Variants in PIP5K1A observed in about 807,000 individuals in gnomAD.
PIP5K1A encodes the protein phosphatidylinositol-4-phosphate 5-kinase type 1 alpha.
A neutral mutation model predicts 72.9 loss-of-function variants in PIP5K1A; 46 were observed. That is an observed-to-expected ratio of 0.63 (90% CI 0.50 to 0.81). The LOEUF (loss-of-function observed/expected upper bound fraction) is 0.81, where lower values mean the gene tolerates loss of function less well. PIP5K1A is among the 30% of genes least tolerant of loss of function. The probability of loss-of-function intolerance (pLI) is 0.00; values close to 1 mark genes in which losing one functional copy is unlikely to be tolerated. For synonymous variants in PIP5K1A, 228 were observed against 255.1 expected (o/e 0.89, Z 1.01); for missense variants, 458 against 706.1 (o/e 0.65, Z 3.98).
chr1:151,222,319 C>T (rs1688502619), intron 1 of PIP5K1A, among the ~76,000 whole-genome samples: 1 of 152,074 alleles, frequency 6.6e-6, no homozygotes, highest in African/African-American at 2.4e-5. Context: ...GGAATTAGTC[C>T]CAGTTTTGCA....
intron 1 of PIP5K1A, among the ~76,000 whole-genome samples, chr1:151,202,585 G>T (rs1685355628): frequency 6.6e-6 from 1 of 151,816 alleles, no homozygotes; most frequent in South Asian, 2.1e-4. Flanking sequence ...CGAGTTGCCT[G>T]CTCAGCCTCC....
chr1:151,239,531 C>T (rs587735325), intron 11 of PIP5K1A, among the ~76,000 whole-genome samples: 14 of 151,950 alleles, frequency 9.2e-5, no homozygotes, highest in Admixed American at 9.2e-4. Flanking sequence ...CCTTGGCCTC[C>T]CAAAGTGCTG....
At chr1:151,213,857 T>TACACATTA (rs1687207759) in intron 1 of PIP5K1A, among the ~76,000 whole-genome samples, 2 of 152,142 alleles carry the variant, frequency 1.3e-5, no homozygotes, top group Non-Finnish European at 2.9e-5. Context: ...TTAAATTATG[T>TACACATTA]AACATACACA....
In PIP5K1A at chr1:151,236,741, G is replaced by A. The variant is rs1193197347; in HGVS notation, c.1123G>A (p.Gly375Ser). ...ESIQGEARRG[G>S]TMETDDHMGG... ...CATCCAGGGAGAGGCTCGACGGGGT[G>A]GTACCATGGAGACTGATGACCAGTA... Residue 375 changes from glycine to serine, a missense_variant, in exon 9 of 16, where the codon GGT (glycine) becomes AGT (serine). Transcript: ENST00000368888. The A allele has an allele frequency of 2.5e-6, 4 of 1,613,444 alleles. No homozygotes were observed. The highest frequency in any genetic ancestry group is 3.4e-6 in the Non-Finnish European group (4 of 1,179,838).
In PIP5K1A at chr1:151,241,996, AT is replaced by A. The variant is rs1246877345; in HGVS notation, c.1364-125del. On this transcript the variant is annotated intron_variant, in intron 12 of 15. Coordinates refer to ENST00000368888, the MANE Select transcript of PIP5K1A (RefSeq NM_001135638.2). ...AATTCATAGGCCTGTCTTTGTTGAC[AT>A]TAGCCTTTTCACTTTTCAGACCAAC... 7.1e-6 allele frequency: 6 copies of A among 846,470 alleles called. No individual in the cohort carries two copies. In the Admixed American group the frequency reaches 1.2e-4, roughly 17 times the overall value. 52.4% of individuals were successfully genotyped at this position (846,470 alleles called of 1,614,324 possible).
rs182537206 is a variant in PIP5K1A, at chr1:151,212,106, C to T, written c.86-12139C>T. Among the ~76,000 whole-genome samples, 58 of 150,326 alleles carry T rather than the reference C, an allele frequency of 3.9e-4. 1 individual carries two copies. In the East Asian group the frequency reaches 9.0e-3, roughly 23 times the overall value. ...CATCCTGGGTGACAGTGTGAGACTC[C>T]GTCTCAAAAAAAAAAAAAGATTTTG... On this transcript the variant is annotated intron_variant, in intron 1 of 15. Transcript: ENST00000368888.
In PIP5K1A at chr1:151,238,094, G is replaced by A. The variant is rs41269678; in HGVS notation, c.1146-88G>A. The A allele has an allele frequency of 5.8e-3, 4,426 of 766,242 alleles. 32 individuals are homozygous for A. Among genetic ancestry groups the A allele is most frequent in the Middle Eastern group, 0.01 (42 of 4,056 alleles). 47.5% of individuals were successfully genotyped at this position (766,242 alleles called of 1,614,324 possible). A position where few individuals can be genotyped will look rare whatever the true frequency, so the allele number is the denominator to read the frequency against. On this transcript the variant is annotated intron_variant, in intron 9 of 15. Transcript: ENST00000368888. The stretch of plus-strand genomic sequence containing the variant: ...GACCTTCTGGTTTATGGAGGATGAG[G>A]CAGTTATGTGTAGGTTTCACTTCCC...
Position 151,227,619 on chromosome 1 carries a change from A to G in PIP5K1A, c.237+219A>G, listed in dbSNP as rs587609308. On this transcript the variant is annotated intron_variant, in intron 4 of 15. Transcript: ENST00000368888. ...AATGAGATTTTTTTTGGCTGGGCACAGTGCCCCAGGCCTGTAATCCCAGCA... is the reference window on the plus strand; with the variant it reads ...AATGAGATTTTTTTTGGCTGGGCACGGTGCCCCAGGCCTGTAATCCCAGCA... Among the ~76,000 whole-genome samples the G allele has an allele frequency of 2.6e-5, 4 of 152,288 alleles. No homozygotes were observed. In the East Asian group the frequency reaches 7.7e-4, roughly 29 times the overall value.
chr1:151,244,575 G>A (rs963531003), intron 14 of PIP5K1A, among the ~76,000 whole-genome samples: 4 of 152,182 alleles, frequency 2.6e-5, no homozygotes, highest in East Asian at 1.9e-4. Flanking sequence ...AGGATCGCTC[G>A]AACCCCGGAG....
At position 151,248,057 on chromosome 1, in the gene PIP5K1A, G is replaced by A. The variant is rs960432710; in HGVS notation, c.*192G>A. ...TCTCTCCTTCCTCTTCCTCATGAAT[G>A]GGCCTTAGTGCCTCAGAGAGTTGAG... On this transcript the variant is annotated 3_prime_UTR_variant, in exon 16 of 16. Transcript: ENST00000368888. 9.7e-6 allele frequency: 6 copies of A among 619,752 alleles called. No homozygotes were observed. The Middle Eastern group carries it at 1.3e-3, about 132-fold the overall frequency. The allele number at this position is 619,752 out of a possible 1,614,324, so 38.4% of individuals were successfully genotyped here.
At chr1:151,216,012 G>A (rs1338586088) in intron 1 of PIP5K1A, 32 of 1,276,260 alleles carry the variant, frequency 2.5e-5, no homozygotes, top group Non-Finnish European at 3.2e-5. Flanking sequence ...TAGATCTGAT[G>A]TGTATCTGTG....
At chr1:151,219,381 C>CA (rs1179510165) in intron 1 of PIP5K1A, among the ~76,000 whole-genome samples, 2,533 of 67,022 alleles carry the variant, frequency 0.038, 64 homozygotes, top group African/African-American at 0.087. Context: ...ACTCTCGTCT[C>CA]AAAAAAAAAA....
At chr1:151,201,496 T>C (rs1222123514) in intron 1 of PIP5K1A, among the ~76,000 whole-genome samples, 1 of 151,998 alleles carries the variant, frequency 6.6e-6, no homozygotes, top group Non-Finnish European at 1.5e-5. Context: ...AATACAGGCA[T>C]GTGCCATCAT....
In PIP5K1A at chr1:151,198,788, G is replaced by A. The variant is rs1041185115; in HGVS notation, c.-209G>A. ...TAAACTTGTGGAGGGGGTGCGGGAC[G>A]TGAGTTCTTCCCCATGCCAGGCGAA... On this transcript the variant is annotated 5_prime_UTR_variant, in exon 1 of 16. The change creates a new upstream start codon in the 5' untranslated region. Coordinates refer to ENST00000368888, the MANE Select transcript of PIP5K1A (RefSeq NM_001135638.2). 1 of 643,942 alleles carries A rather than the reference G, an allele frequency of 1.6e-6. No homozygotes were observed. Among genetic ancestry groups the A allele is most frequent in the African/African-American group, 1.8e-5 (1 of 55,482 alleles). The allele number at this position is 643,942 out of a possible 1,614,324, so 39.9% of individuals were successfully genotyped here.
At chr1:151,235,213 G>A (rs1690675289) in intron 8 of PIP5K1A, among the ~76,000 whole-genome samples, 1 of 152,258 alleles carries the variant, frequency 6.6e-6, no homozygotes, top group African/African-American at 2.4e-5. Context: ...CTCCCAAGTA[G>A]CTGGGATTAC....
intron 15 of PIP5K1A, 66 bp from the exon 16 acceptor site, chr1:151,247,797 C>T (rs1177606207): frequency 4.1e-5 from 55 of 1,335,764 alleles, no homozygotes; most frequent in South Asian, 2.9e-4. Context: ...AATTTCTTAA[C>T]GCTTGAATTC....
At chr1:151,238,992 A>G (rs1691269697) in intron 10 of PIP5K1A, 138 bp from the exon 11 acceptor site, 1 of 620,960 alleles carries the variant, frequency 1.6e-6, no homozygotes, top group Non-Finnish European at 2.8e-6. Flanking sequence ...TGGGAAAACC[A>G]GTGTACCAGT....
At position 151,198,936 on chromosome 1, in the gene PIP5K1A, G is replaced by A; in HGVS notation, c.-61G>A. The A allele has an allele frequency of 1.3e-6, 2 of 1,492,240 alleles. No homozygotes were observed. Among genetic ancestry groups the A allele is most frequent in the Non-Finnish European group, 9.3e-7 (1 of 1,071,866 alleles). The allele number at this position is 1,492,240 out of a possible 1,614,324, so 92.4% of individuals were successfully genotyped here. ...AGAGACGTTGGGAAGATTCGATTCCGAGAAGAGGAAGAACCGGATTGAAAG... is the reference window on the plus strand; with the variant it reads ...AGAGACGTTGGGAAGATTCGATTCCAAGAAGAGGAAGAACCGGATTGAAAG... On this transcript the variant is annotated 5_prime_UTR_variant, in exon 1 of 16. Coordinates refer to ENST00000368888, the MANE Select transcript of PIP5K1A (RefSeq NM_001135638.2).
Position 151,218,202 on chromosome 1 carries a change from C to T in PIP5K1A, c.86-6043C>T, listed in dbSNP as rs141598425. On this transcript the variant is annotated intron_variant, in intron 1 of 15. Transcript: ENST00000368888. ...AGTATCAGACTTGAAAGTTTCTGCT[C>T]CTCTAGAATACTGGCATTGCCTAAT... 4.0e-3 allele frequency among the ~76,000 whole-genome samples: 610 copies of T among 152,280 alleles called. 6 individuals are homozygous for T. Among genetic ancestry groups the T allele is most frequent in the African/African-American group, 0.014 (571 of 41,554 alleles).
Sources: gnomAD v4.1 joint callset for allele counts (sites outside exome capture counted in the v4.1 genomes callset) on GRCh38, gnomAD v4.1.1 for gene constraint, MANE v1.5 for transcripts, NCBI Gene and HGNC (gene_info 2026-07-23, HGNC 2026-07-21) for gene names.